Variants in ZSCAN12 observed in about 807,000 individuals in gnomAD.
The protein encoded by ZSCAN12 is zinc finger and SCAN domain containing 12.
A neutral mutation model predicts 23.4 loss-of-function variants in ZSCAN12; 18 were observed. That is an observed-to-expected ratio of 0.77 (90% confidence interval 0.53 to 1.14). The LOEUF (loss-of-function observed/expected upper bound fraction) is 1.14. ZSCAN12 is among the 50% of genes most tolerant of loss of function. ZSCAN12 has a pLI of 0.00. For synonymous variants in ZSCAN12, 186 were observed against 253.4 expected, an observed-to-expected ratio of 0.73 and a Z score of 2.53; for missense variants, 650 against 735.0, an observed-to-expected ratio of 0.88 and a Z score of 1.34.
At chr6:28,384,459 T>C (rs892405011), downstream of ZSCAN12, among the ~76,000 whole-genome samples, 6 of 152,130 alleles carry the variant, frequency 3.9e-5, no homozygotes, top group Non-Finnish European at 8.8e-5. Context: ...AGAGATTAAC[T>C]TGAACTATGA....
rs1280709377 is a variant in ZSCAN12, at chr6:28,389,183, A to C, written c.*1271T>G. On this transcript the variant is annotated 3_prime_UTR_variant, in exon 4 of 4. Transcript: ENST00000684592. ...GAAATAAAAGAAGGTAAAGCATAAAACAGAGAAGAGCACCAGGCCCTCCCC... is the reference window on the plus strand; with the variant it reads ...GAAATAAAAGAAGGTAAAGCATAAACCAGAGAAGAGCACCAGGCCCTCCCC... Among the ~76,000 whole-genome samples, 1 of 152,198 alleles carries C rather than the reference A, an allele frequency of 6.6e-6. No individual in the cohort carries two copies. The highest frequency in any genetic ancestry group is 1.5e-5 in the Non-Finnish European group (1 of 68,034).
At position 28,391,119 on chromosome 6, in the gene ZSCAN12, A is replaced by G. The variant is rs1760805281; in HGVS notation, c.1171T>C (p.Cys391Arg). 2.6e-6 allele frequency: 4 copies of G among 1,552,164 alleles called. No homozygotes were observed. The highest frequency in any genetic ancestry group is 3.5e-6 in the Non-Finnish European group (4 of 1,147,126). ...GAACGCCGACTAAAACTTTTATTACACTGAGTGCACTGATAAGGTTTGTCT... is the reference window on the plus strand; with the variant it reads ...GAACGCCGACTAAAACTTTTATTACGCTGAGTGCACTGATAAGGTTTGTCT... The part of the protein sequence containing the change: ...TRDKPYQCTQ[C>R]NKSFSRRSIL... The change falls in exon 4 of 4, where the codon TGT (cysteine) becomes CGT (arginine). Residue 391 changes from cysteine to arginine, a missense_variant. Coordinates refer to ENST00000684592, the MANE Select transcript of ZSCAN12 (RefSeq NM_001163391.2). The surrounding 1 kb of genome is among the most constrained non-coding windows in gnomAD (Gnocchi z 4.1).
Position 28,391,854 on chromosome 6 carries a change from A to G in ZSCAN12, c.548-112T>C. On this transcript the variant is annotated intron_variant, in intron 3 of 3. Transcript: ENST00000684592. The surrounding 1 kb of genome is among the most constrained non-coding windows in gnomAD (Gnocchi z 4.1). Reference sequence around the variant, plus strand: ...AATGCAAGAGTCTACCATCTTAGTGATAAAGAGAGCAAAATATATTTGTTT... The same window carrying G: ...AATGCAAGAGTCTACCATCTTAGTGGTAAAGAGAGCAAAATATATTTGTTT... 1 of 877,966 alleles carries G rather than the reference A, an allele frequency of 1.1e-6. No homozygotes were observed. Among genetic ancestry groups the G allele is most frequent in the Non-Finnish European group, 1.7e-6 (1 of 603,496 alleles). The allele number at this position is 877,966 out of a possible 1,614,324, so 54.4% of individuals were successfully genotyped here. A position where few individuals can be genotyped will look rare whatever the true frequency, so the allele number is the denominator to read the frequency against.
rs1317122158 is a variant in ZSCAN12 at position 28,391,152 on chromosome 6, G to T, written c.1138C>A (p.His380Asn). Reference protein sequence around the residue: ...KAGLFHHIKIHTRDKPYQCTQ... With the variant: ...KAGLFHHIKINTRDKPYQCTQ... ...CACTGATAAGGTTTGTCTCTTGTGT[G>T]GATCTTGATATGGTGAAAGAGGCCT... Residue 380 changes from histidine (H) to asparagine (N), a missense_variant, in exon 4 of 4, where the codon CAC (histidine) becomes AAC (asparagine). By Grantham distance (68) the His-to-Asn change is moderately conservative. Transcript: ENST00000684592. The surrounding 1 kb of genome is among the most constrained non-coding windows in gnomAD (Gnocchi z 4.1). 1 of 1,550,734 alleles carries T rather than the reference G, an allele frequency of 6.4e-7. No individual in the cohort carries two copies.
rs757989348 is a variant in ZSCAN12 at position 28,391,775 on chromosome 6, A to G, written c.548-33T>C. 2.1e-6 allele frequency: 3 copies of G among 1,438,148 alleles called. No homozygotes were observed. Among genetic ancestry groups the G allele is most frequent in the Non-Finnish European group, 2.7e-6 (3 of 1,091,506 alleles). 89.1% of individuals were successfully genotyped at this position (1,438,148 alleles called of 1,614,324 possible). ...GGGATCATAAATGTTACCTCTTTCT[A>G]CCTTTAAAATGTATCCATACATTTT... On this transcript the variant is annotated intron_variant, in intron 3 of 3. Coordinates refer to ENST00000684592, the MANE Select transcript of ZSCAN12 (RefSeq NM_001163391.2). The surrounding 1 kb of genome is among the most constrained non-coding windows in gnomAD (Gnocchi z 4.1).
At position 28,393,010 on chromosome 6, in the gene ZSCAN12, G is replaced by T. The variant is rs776245640; in HGVS notation, c.439C>A (p.Gln147Lys). The change falls in exon 3 of 4, where the codon CAG (glutamine) becomes AAG (lysine). Residue 147 changes from glutamine to lysine, a missense_variant. Physicochemically the swap from Gln to Lys is moderately conservative, Grantham distance 53 (BLOSUM62 1). Coordinates refer to ENST00000684592, the MANE Select transcript of ZSCAN12 (RefSeq NM_001163391.2). ...VHTGEQEMFL[Q>K]ETVRLRKEGE... ...TCTTTTCGTAGACGTACCGTCTCCT[G>T]CAAGAACATTTCCTGTTCCCCAGTG... is the stretch of plus-strand genomic sequence containing the variant. The T allele has an allele frequency of 4.5e-6, 7 of 1,551,824 alleles. No homozygotes were observed.
chr6:28,397,563 C>G (rs1761177308), intron 2 of ZSCAN12, among the ~76,000 whole-genome samples: 1 of 152,154 alleles, frequency 6.6e-6, no homozygotes, highest in Non-Finnish European at 1.5e-5. Flanking sequence ...TTCCATTGTA[C>G]TCCCACATCT....
At position 28,390,174 on chromosome 6, in the gene ZSCAN12, A is replaced by C. The variant is rs188811685; in HGVS notation, c.*280T>G. ...TTACAAAGTACCACTTTCATTCGAC[A>C]CCATCTGGTGCATCAATTCTACTCT... is the stretch of plus-strand genomic sequence containing the variant. On this transcript the variant is annotated 3_prime_UTR_variant, in exon 4 of 4. Coordinates refer to ENST00000684592, the MANE Select transcript of ZSCAN12 (RefSeq NM_001163391.2). Among the ~76,000 whole-genome samples, 1 of 152,196 alleles carries C rather than the reference A, an allele frequency of 6.6e-6. No individual in the cohort carries two copies. Among genetic ancestry groups the C allele is most frequent in the Non-Finnish European group, 1.5e-5 (1 of 68,022 alleles).
In ZSCAN12 at chr6:28,385,162, T is replaced by A. The variant is rs1760479586; in HGVS notation, c.*5292A>T. On this transcript the variant is annotated 3_prime_UTR_variant, in exon 4 of 4. Transcript: ENST00000684592. ...GCATTAAAGATAGATCCATAATGGG[T>A]TATCAACACTTGGGGACAAATCTTT... is the stretch of plus-strand genomic sequence containing the variant. 1.3e-5 allele frequency among the ~76,000 whole-genome samples: 2 copies of A among 152,210 alleles called. No homozygotes were observed. Among genetic ancestry groups the A allele is most frequent in the South Asian group, 4.1e-4 (2 of 4,824 alleles).
In ZSCAN12 at chr6:28,388,628, A is replaced by T. The variant is rs1401484332; in HGVS notation, c.*1826T>A. ...AGACACAGGGCTGTGTAGAAAGGTA[A>T]TTAGGAGTGGGACTTACTAAGGAAG... On this transcript the variant is annotated 3_prime_UTR_variant, in exon 4 of 4. Transcript: ENST00000684592. Among the ~76,000 whole-genome samples the T allele has an allele frequency of 6.6e-6, 1 of 152,152 alleles. No individual in the cohort carries two copies. The highest frequency in any genetic ancestry group is 1.5e-5 in the Non-Finnish European group (1 of 68,020).
chr6:28,399,232 ATTC>A (rs1481605940), intron 1 of ZSCAN12, among the ~76,000 whole-genome samples: 1 of 152,206 alleles, frequency 6.6e-6, no homozygotes, highest in Non-Finnish European at 1.5e-5. Flanking sequence ...TCTGCTCCTC[ATTC>A]TTCATTTATA....
rs919470198 is a variant in ZSCAN12 at position 28,388,800 on chromosome 6, G to A, written c.*1654C>T. Reference sequence around the variant, plus strand: ...GTAGGAAGTTAGTCCCAGAAACTGTGGAGTTTGCTGTGGCAGGGTAGAAAA... The same window carrying A: ...GTAGGAAGTTAGTCCCAGAAACTGTAGAGTTTGCTGTGGCAGGGTAGAAAA... On this transcript the variant is annotated 3_prime_UTR_variant, in exon 4 of 4. Transcript: ENST00000684592. Among the ~76,000 whole-genome samples, 1 of 152,172 alleles carries A rather than the reference G, an allele frequency of 6.6e-6. No homozygotes were observed. Among genetic ancestry groups the A allele is most frequent in the African/African-American group, 2.4e-5 (1 of 41,436 alleles).
Position 28,391,437 on chromosome 6 carries a change from G to A in ZSCAN12, c.853C>T (p.Gln285Ter). The change falls in exon 4 of 4, where the codon CAG becomes TAG. Residue 285 changes from glutamine to a stop codon, truncating the protein, a stop_gained. Coordinates refer to ENST00000684592, the MANE Select transcript of ZSCAN12 (RefSeq NM_001163391.2). LOFTEE classifies it low-confidence loss of function (END_TRUNC). The surrounding 1 kb of genome is among the most constrained non-coding windows in gnomAD (Gnocchi z 4.1). ...TGATGTTCTATGAGGTGTGAGTGCT[G>A]ACTAAAAGCTTTTCCACAGTCATCA... ...GCDDCGKAFS[Q>*]HSHLIEHQRI... The A allele has an allele frequency of 2.6e-6, 4 of 1,551,782 alleles. No individual in the cohort carries two copies. The South Asian group carries it at 4.8e-5, about 18-fold the overall frequency.
chr6:28,391,405 G>T lies in ZSCAN12; in HGVS notation c.885C>A (p.Ile295=). ...QHSHLIEHQR[I]HTGDRPYKCE... is the part of the protein sequence containing the mutation. Reference sequence around the variant, plus strand: ...ATTTGTAGGGTCTATCTCCAGTATGGATCCTCTGATGTTCTATGAGGTGTG... The same window carrying T: ...ATTTGTAGGGTCTATCTCCAGTATGTATCCTCTGATGTTCTATGAGGTGTG... Residue 295 remains isoleucine (I), a synonymous_variant, in exon 4 of 4, where the codon ATC becomes ATA. Coordinates refer to ENST00000684592, the MANE Select transcript of ZSCAN12 (RefSeq NM_001163391.2). The surrounding 1 kb of genome is among the most constrained non-coding windows in gnomAD (Gnocchi z 4.1). The T allele has an allele frequency of 6.4e-7, 1 of 1,551,612 alleles. No homozygotes were observed. Among genetic ancestry groups the T allele is most frequent in the South Asian group, 1.2e-5 (1 of 84,036 alleles).
In ZSCAN12 at chr6:28,390,902, T is replaced by G; in HGVS notation, c.1388A>C (p.His463Pro). The change falls in exon 4 of 4, where the codon CAC becomes CCC. Residue 463 changes from histidine (H) to proline (P), a missense_variant. His to Pro is a moderately conservative substitution (Grantham distance 77). Transcript: ENST00000684592. ...ACATTTGTAGGGTTTTTCCCCAGTGTGAATTCTCTGATGCTGAATAAGGCC... is the reference window on the plus strand; with the variant it reads ...ACATTTGTAGGGTTTTTCCCCAGTGGGAATTCTCTGATGCTGAATAAGGCC... ...QSGLIQHQRI[H>P]TGEKPYKCDV... 6.4e-7 allele frequency: 1 copy of G among 1,568,784 alleles called. No individual in the cohort carries two copies. The highest frequency in any genetic ancestry group is 8.6e-7 in the Non-Finnish European group (1 of 1,156,342).
Position 28,391,612 on chromosome 6 carries a change from A to G in ZSCAN12, c.678T>C (p.Thr226=), listed in dbSNP as rs1454367526. ...DMSKSARCGE[T]REPEEITEEP... is the part of the protein sequence containing the mutation. The stretch of plus-strand genomic sequence containing the variant: ...CTTCTGTTATTTCTTCAGGTTCACG[A>G]GTTTCTCCACACCTAGCAGACTTGG... The change falls in exon 4 of 4, where the codon ACT becomes ACC. Residue 226 remains threonine (T), a synonymous_variant. Coordinates refer to ENST00000684592, the MANE Select transcript of ZSCAN12 (RefSeq NM_001163391.2). This position sits in a 1 kb window ranked among gnomAD's most constrained non-coding sequence, Gnocchi z 4.1. 1 of 1,552,214 alleles carries G rather than the reference A, an allele frequency of 6.4e-7. No homozygotes were observed.
At chr6:28,395,365 A>G (rs1338162560) in intron 2 of ZSCAN12, among the ~76,000 whole-genome samples, 1 of 152,174 alleles carries the variant, frequency 6.6e-6, no homozygotes, top group Non-Finnish European at 1.5e-5. Flanking sequence ...TCCTTAACTT[A>G]CTTTCTCTCA....
intron 2 of ZSCAN12, among the ~76,000 whole-genome samples, chr6:28,395,641 G>A (rs994058196): frequency 1.3e-5 from 2 of 152,158 alleles, no homozygotes; most frequent in African/African-American, 2.4e-5. Context: ...ATTATATCTC[G>A]CTTCTGTTCA....
intron 1 of ZSCAN12, among the ~76,000 whole-genome samples, 151 bp downstream of exon 1, chr6:28,399,506 C>T (rs992947865): frequency 1.3e-5 from 2 of 152,246 alleles, no homozygotes; most frequent in Non-Finnish European, 2.9e-5. Context: ...TCCCAACGCA[C>T]TTTGGGGAGG....
Sources: allele counts gnomAD v4.1 joint callset (sites outside exome capture counted in the v4.1 genomes callset), GRCh38; gene constraint gnomAD v4.1.1; non-coding constraint Gnocchi (gnomAD v3.1); transcripts MANE v1.5; gene names NCBI Gene and HGNC (gene_info 2026-07-23, HGNC 2026-07-21).